The following PARD3B variants were observed in gnomAD, a reference collection of about 807,000 sequenced individuals.
PARD3B encodes the protein par-3 family cell polarity regulator beta.
PARD3B carries 103 observed loss-of-function variants against 130.2 expected under a neutral mutation model. The observed-to-expected ratio is 0.79, with a 90% CI of 0.67 to 0.93. PARD3B has a LOEUF of 0.93. Ranked by LOEUF, PARD3B falls within the 40% of genes least tolerant of loss-of-function variation. The pLI is 0.00. For missense variants in PARD3B, 1,609 were observed against 1,499.2 expected, an observed-to-expected ratio of 1.07 and a Z score of -1.21; for synonymous variants, 583 against 553.2, an observed-to-expected ratio of 1.05 and a Z score of -0.76.
In PARD3B at chr2:205,202,884, A is replaced by G. The variant is rs775336186; in HGVS notation, c.2140+9564A>G. 7.2e-5 allele frequency among the ~76,000 whole-genome samples: 11 copies of G among 152,198 alleles called. No homozygotes were observed. In the South Asian group the frequency reaches 1.2e-3, roughly 17 times the overall value. ...TTAGTAGTGGACTTGAACAGTCAAT[A>G]TAAGTAAATTCTCCTAAAGTTAAGT... On this transcript the variant is annotated intron_variant, in intron 15 of 22. Coordinates refer to ENST00000406610, the MANE Select transcript of PARD3B (RefSeq NM_001302769.2).
intron 16 of PARD3B, among the ~76,000 whole-genome samples, chr2:205,249,587 G>A (rs998951766): frequency 6.6e-6 from 1 of 152,104 alleles, no homozygotes; most frequent in African/African-American, 2.4e-5. Flanking sequence ...CAAAAATGTA[G>A]TGTTCCCCTC....
chr2:205,502,910 C>A (rs545161646), intron 21 of PARD3B, among the ~76,000 whole-genome samples: 1 of 152,004 alleles, frequency 6.6e-6, no homozygotes, highest in Non-Finnish European at 1.5e-5. Context: ...ATTGCACCTG[C>A]CCAGTGGCCT....
At chr2:205,148,879 G>A (rs77680144) in intron 10 of PARD3B, among the ~76,000 whole-genome samples, 17 of 152,272 alleles carry the variant, frequency 1.1e-4, no homozygotes, top group Admixed American at 5.9e-4. Flanking sequence ...GAGGTTGCTC[G>A]TGCTGAGCCA....
chr2:204,620,998 A>G (rs1316010180), intron 1 of PARD3B, among the ~76,000 whole-genome samples: 2 of 152,218 alleles, frequency 1.3e-5, no homozygotes, highest in Non-Finnish European at 1.5e-5. Flanking sequence ...ACTGTAATGT[A>G]AAGAATACGC....
intron 16 of PARD3B, among the ~76,000 whole-genome samples, chr2:205,283,637 T>A (rs567376437): frequency 6.1e-4 from 93 of 152,310 alleles, no homozygotes; most frequent in African/African-American, 2.0e-3. Context: ...CAAACTATGG[T>A]CTGATCAGTA....
intron 22 of PARD3B, among the ~76,000 whole-genome samples, chr2:205,576,597 T>C (rs968283922): frequency 2.0e-5 from 3 of 152,196 alleles, no homozygotes; most frequent in African/African-American, 7.2e-5. Flanking sequence ...CAAAGGTCAG[T>C]TGACTATGCT....
intron 2 of PARD3B, among the ~76,000 whole-genome samples, chr2:204,731,486 AT>A (rs887253398): frequency 6.6e-6 from 1 of 152,260 alleles, no homozygotes. Flanking sequence ...TTAAGTTTTA[AT>A]TTTTCCCCCC....
At chr2:204,648,091 G>A (rs1322973358) in intron 1 of PARD3B, among the ~76,000 whole-genome samples, 1 of 151,624 alleles carries the variant, frequency 6.6e-6, no homozygotes, top group African/African-American at 2.4e-5. Context: ...CTTCAAAGGA[G>A]TTATTTTTGA....
intron 22 of PARD3B, among the ~76,000 whole-genome samples, chr2:205,600,221 A>G (rs2054731081): frequency 6.6e-6 from 1 of 152,218 alleles, no homozygotes; most frequent in African/African-American, 2.4e-5. Context: ...CTAGAACCCG[A>G]TGTATGACTG....
chr2:204,833,731 C>G (rs1034003794), intron 2 of PARD3B, among the ~76,000 whole-genome samples: 1 of 152,168 alleles, frequency 6.6e-6, no homozygotes, highest in Non-Finnish European at 1.5e-5. Flanking sequence ...CCTCCCCAGC[C>G]ACGTGGAACT....
intron 21 of PARD3B, among the ~76,000 whole-genome samples, chr2:205,502,182 G>A (rs927446718): frequency 3.9e-5 from 6 of 152,268 alleles, no homozygotes; most frequent in Non-Finnish European, 5.9e-5. Flanking sequence ...TTTGTTCAGC[G>A]TAGGCCTGAG....
intron 16 of PARD3B, among the ~76,000 whole-genome samples, chr2:205,283,242 A>G (rs1287691128): frequency 1.3e-5 from 2 of 152,182 alleles, no homozygotes; most frequent in African/African-American, 4.8e-5. Context: ...CACTATTCCT[A>G]TGGCTAGAGA....
At chr2:204,911,286 C>G (rs546159261) in intron 2 of PARD3B, among the ~76,000 whole-genome samples, 26 of 152,268 alleles carry the variant, frequency 1.7e-4, no homozygotes, top group African/African-American at 6.0e-4. Flanking sequence ...AAGAAGGAAG[C>G]TTAAATAATT....
intron 2 of PARD3B, among the ~76,000 whole-genome samples, chr2:204,955,230 T>A (rs887401670): frequency 2.0e-5 from 3 of 152,214 alleles, no homozygotes; most frequent in Non-Finnish European, 2.9e-5. Flanking sequence ...GGTCTGTTAA[T>A]GCACAAATTA....
chr2:204,733,479 C>CTTT (rs34103852), intron 2 of PARD3B, among the ~76,000 whole-genome samples: 2 of 127,250 alleles, frequency 1.6e-5, no homozygotes, highest in African/African-American at 2.9e-5. Context: ...CCTTGACAGG[C>CTTT]TTTTTTTTTT....
chr2:205,474,744 G>T (rs2048966570), intron 20 of PARD3B, among the ~76,000 whole-genome samples: 1 of 152,096 alleles, frequency 6.6e-6, no homozygotes, highest in Admixed American at 6.6e-5. Flanking sequence ...AGGAAATAAT[G>T]CTTCCACCAG....
chr2:204,782,445 T>A (rs183103660), intron 2 of PARD3B, among the ~76,000 whole-genome samples: 1 of 151,322 alleles, frequency 6.6e-6, no homozygotes, highest in African/African-American at 2.4e-5. Context: ...ACATTACACA[T>A]AAGTATTATA....
intron 4 of PARD3B, among the ~76,000 whole-genome samples, chr2:205,094,983 A>G (rs1373102985): frequency 6.6e-6 from 1 of 152,150 alleles, no homozygotes; most frequent in Non-Finnish European, 1.5e-5. Context: ...GTACCATATA[A>G]ATGTCCATTT....
intron 16 of PARD3B, among the ~76,000 whole-genome samples, chr2:205,250,793 G>GTAAT (rs1412213446): frequency 6.6e-6 from 1 of 152,092 alleles, no homozygotes; most frequent in African/African-American, 2.4e-5. Flanking sequence ...GCTGGGCATG[G>GTAAT]TGGCCCATGC....
Sources: allele counts gnomAD v4.1 joint callset (sites outside exome capture counted in the v4.1 genomes callset), GRCh38; gene constraint gnomAD v4.1.1; transcripts MANE v1.5; gene names NCBI Gene and HGNC (gene_info 2026-07-23, HGNC 2026-07-21).